CMC2: variants seen among roughly 807,000 people sequenced by gnomAD.
CMC2 encodes C-X9-C motif containing 2, also known as COX assembly mitochondrial protein 2 homolog.
In CMC2, 5 loss-of-function variants were observed where a neutral mutation model predicts 7.5. The ratio of observed to expected loss-of-function variants is 0.66; its 90% confidence interval spans 0.35 to 1.40. The LOEUF (loss-of-function observed/expected upper bound fraction) is 1.40, where lower values mean the gene tolerates loss of function less well. Among genes scored for constraint, CMC2 ranks in the 40% most tolerant of loss-of-function variants. The probability of loss-of-function intolerance (pLI) is 0.04; values close to 1 mark genes in which losing one functional copy is unlikely to be tolerated. For missense variants in CMC2, 115 were observed against 92.3 expected (o/e 1.25, Z -1.01); for synonymous variants, 37 against 31.4 (o/e 1.18, Z -0.60).
At chr16:80,989,175 T>A (rs1460657795) in intron 2 of CMC2, among the ~76,000 whole-genome samples, 2 of 152,206 alleles carry the variant, frequency 1.3e-5, no homozygotes, top group East Asian at 1.9e-4. Flanking sequence ...CATTTAACTA[T>A]CCAATTATTT....
At chr16:80,995,796 G>A (rs1411217931) in intron 2 of CMC2, among the ~76,000 whole-genome samples, 1 of 152,176 alleles carries the variant, frequency 6.6e-6, no homozygotes, top group Non-Finnish European at 1.5e-5. Flanking sequence ...CTGCAAAGGG[G>A]CACAGGAAAC....
intron 1 of CMC2, among the ~76,000 whole-genome samples, chr16:81,003,569 C>A (rs1969021469): frequency 6.6e-6 from 1 of 152,226 alleles, no homozygotes; most frequent in African/African-American, 2.4e-5. Flanking sequence ...AACATAATCT[C>A]TAACCATGAC....
At chr16:80,981,944 TTAAA>T in intron 2 of CMC2, 67 bp from the exon 3 acceptor site, 9 of 932,590 alleles carry the variant, frequency 9.7e-6, no homozygotes, top group Non-Finnish European at 1.5e-5. Flanking sequence ...CACATAAAAT[TTAAA>T]TACTGCCACA....
At position 80,970,115 on chromosome 16, in the gene CMC2, A is replaced by T. The variant is rs1460891574; in HGVS notation, c.*5978T>A. Reference sequence around the variant, plus strand: ...ATAACTTACCTGACCATTGGGAGGGATGAAGAAACTTCAGAGCCACATTGC... The same window carrying T: ...ATAACTTACCTGACCATTGGGAGGGTTGAAGAAACTTCAGAGCCACATTGC... On this transcript the variant is annotated 3_prime_UTR_variant, in exon 4 of 4. Coordinates refer to ENST00000219400, the MANE Select transcript of CMC2 (RefSeq NM_020188.5). 2 of 152,180 alleles carry T rather than the reference A, an allele frequency of 1.3e-5. No individual in the cohort carries two copies. Among genetic ancestry groups the T allele is most frequent in the Non-Finnish European group, 2.9e-5 (2 of 68,030 alleles). The allele number at this position is 152,180 out of a possible 1,614,324, so 9.4% of individuals were successfully genotyped here. A position where few individuals can be genotyped will look rare whatever the true frequency, so the allele number is the denominator to read the frequency against.
At chr16:80,988,042 G>T (rs1202379032) in intron 2 of CMC2, among the ~76,000 whole-genome samples, 1 of 151,974 alleles carries the variant, frequency 6.6e-6, no homozygotes, top group Non-Finnish European at 1.5e-5. Context: ...GAATTAGCCA[G>T]GCATGATGGC....
In CMC2 at chr16:80,978,541, T is replaced by C. The variant is rs1223912449; in HGVS notation, c.154-2362A>G. 7.8e-6 allele frequency: 3 copies of C among 384,086 alleles called. No homozygotes were observed. In the East Asian group the frequency reaches 2.6e-4, roughly 34 times the overall value. 23.8% of individuals were successfully genotyped at this position (384,086 alleles called of 1,614,324 possible). ...AACAATTAAGAGGGACAAAAGAGAA[T>C]GCCACAAAAGTACTATTAGTGTTTC... On this transcript the variant is annotated intron_variant, in intron 3 of 3. Coordinates refer to ENST00000219400, the MANE Select transcript of CMC2 (RefSeq NM_020188.5).
intron 2 of CMC2, chr16:80,991,733 C>T: frequency 3.1e-6 from 1 of 321,302 alleles, no homozygotes; most frequent in South Asian, 2.5e-5. Context: ...AGTATGCAGC[C>T]TTGATGAAAA....
chr16:80,998,000 G>A (rs1434080297), intron 1 of CMC2: 2 of 151,480 alleles, frequency 1.3e-5, no homozygotes, highest in African/African-American at 2.4e-5. Flanking sequence ...TTATTACACT[G>A]AAAACATGAA....
intron 3 of CMC2, among the ~76,000 whole-genome samples, chr16:80,977,375 A>G (rs1231302201): frequency 2.6e-5 from 4 of 152,248 alleles, no homozygotes; most frequent in Non-Finnish European, 4.4e-5. Context: ...GTACATGCTT[A>G]TAATACATAC....
At position 81,006,863 on chromosome 16, in the gene CMC2, C is replaced by A. The variant is rs1404479497; in HGVS notation, c.-165G>T. On this transcript the variant is annotated 5_prime_UTR_variant, in exon 1 of 4. Transcript: ENST00000219400. ...CGCCGAAACCCAGTGACGCCCTCCA[C>A]CGCTCCACCGTGCTCCCGGCTCCTC... The A allele has an allele frequency of 2.0e-6, 2 of 985,910 alleles. No homozygotes were observed. The highest frequency in any genetic ancestry group is 1.7e-5 in the African/African-American group (1 of 57,266). 61.1% of individuals were successfully genotyped at this position (985,910 alleles called of 1,614,324 possible). A position where few individuals can be genotyped will look rare whatever the true frequency, so the allele number is the denominator to read the frequency against.
intron 2 of CMC2, among the ~76,000 whole-genome samples, chr16:80,995,156 G>T (rs1968308745): frequency 6.6e-6 from 1 of 151,692 alleles, no homozygotes; most frequent in Non-Finnish European, 1.5e-5. Flanking sequence ...AAAAACAAAT[G>T]ACTTGTGCAT....
chr16:80,992,633 C>CT (rs899222848), intron 2 of CMC2, among the ~76,000 whole-genome samples: 23 of 139,118 alleles, frequency 1.7e-4, no homozygotes, highest in South Asian at 2.3e-4. Context: ...GCCATCTTTT[C>CT]TTTTTTTTTT....
At chr16:80,990,890 A>AT (rs530402338) in intron 2 of CMC2, among the ~76,000 whole-genome samples, 6 of 151,666 alleles carry the variant, frequency 4.0e-5, no homozygotes, top group East Asian at 1.9e-4. Context: ...TAGTGACATA[A>AT]TTTTTTTTAA....
At position 80,967,802 on chromosome 16, in the gene CMC2, C is replaced by G. The variant is rs1911658182; in HGVS notation, c.*8291G>C. Reference sequence around the variant, plus strand: ...TTGCAGAATGCTTTACTTTCTTAGCCCTCTACTCGCCAGAGTTGAGGAAAA... The same window carrying G: ...TTGCAGAATGCTTTACTTTCTTAGCGCTCTACTCGCCAGAGTTGAGGAAAA... On this transcript the variant is annotated 3_prime_UTR_variant, in exon 4 of 4. Coordinates refer to ENST00000219400, the MANE Select transcript of CMC2 (RefSeq NM_020188.5). 6.6e-6 allele frequency: 1 copy of G among 152,170 alleles called. No homozygotes were observed. The highest frequency in any genetic ancestry group is 6.6e-5 in the Admixed American group (1 of 15,264). 9.4% of individuals were successfully genotyped at this position (152,170 alleles called of 1,614,324 possible).
chr16:80,990,169 A>C (rs1011685728), intron 2 of CMC2, among the ~76,000 whole-genome samples: 1 of 150,680 alleles, frequency 6.6e-6, no homozygotes, highest in African/African-American at 2.5e-5. Flanking sequence ...AAAACATATA[A>C]TTTTTTTCTG....
rs574771794 is a variant in CMC2, at chr16:80,981,450, T to C, written c.153+356A>G. ...AGCCTCCTCAATTTATATATAGAAA[T>C]TGAGGCCCTGAGAGTTTTAGTTACC... On this transcript the variant is annotated intron_variant, in intron 3 of 3. Transcript: ENST00000219400. Among the ~76,000 whole-genome samples, 9 of 152,292 alleles carry C rather than the reference T, an allele frequency of 5.9e-5. No individual in the cohort carries two copies. The South Asian group carries it at 1.7e-3, about 28-fold the overall frequency.
rs567398250 is a variant in CMC2, at chr16:81,004,532, T to TC, written c.-36+2201dup. Among the ~76,000 whole-genome samples, 38 of 152,218 alleles carry TC rather than the reference T, an allele frequency of 2.5e-4. No individual in the cohort carries two copies. The East Asian group carries it at 5.0e-3, about 20-fold the overall frequency. ...ACTTGTCACGATTCCACCACCTCCC[T>TC]CCTCAATCCAGCCCCATCCACTGTG... On this transcript the variant is annotated intron_variant, in intron 1 of 3. Coordinates refer to ENST00000219400, the MANE Select transcript of CMC2 (RefSeq NM_020188.5).
chr16:80,997,090 C>A, intron 2 of CMC2: 1 of 563,412 alleles, frequency 1.8e-6, no homozygotes, highest in South Asian at 1.9e-5. Context: ...CCAGTTCAGA[C>A]GTTCCCTAAC....
At position 80,988,011 on chromosome 16, in the gene CMC2, G is replaced by A. The variant is rs1367719695; in HGVS notation, c.82-6134C>T. Among the ~76,000 whole-genome samples, 15 of 150,748 alleles carry A rather than the reference G, an allele frequency of 1.0e-4. No homozygotes were observed. In the East Asian group the frequency reaches 2.2e-3, roughly 22 times the overall value. On this transcript the variant is annotated intron_variant, in intron 2 of 3. Transcript: ENST00000219400. Reference sequence around the variant, plus strand: ...GGCAACACAGGAGAGCCTGTCTCTAGGAGGAAAAAAAAAAAAAATTGAATT... The same window carrying A: ...GGCAACACAGGAGAGCCTGTCTCTAAGAGGAAAAAAAAAAAAAATTGAATT...
Sources: allele counts gnomAD v4.1 joint callset (sites outside exome capture counted in the v4.1 genomes callset), GRCh38; gene constraint gnomAD v4.1.1; transcripts MANE v1.5; gene names NCBI Gene and HGNC (gene_info 2026-07-23, HGNC 2026-07-21).